Variants in CTNNA2 observed in about 807,000 individuals in gnomAD.
The protein encoded by CTNNA2 is catenin alpha-2.
In CTNNA2, 42 loss-of-function variants were observed where a neutral mutation model predicts 101.0. The observed-to-expected ratio is 0.42, with a 90% CI of 0.32 to 0.54. The LOEUF (loss-of-function observed/expected upper bound fraction) is 0.54. CTNNA2 is among the 20% of genes least tolerant of loss of function. The probability of loss-of-function intolerance (pLI) is 0.14; values close to 1 mark genes in which losing one functional copy is unlikely to be tolerated. For missense variants in CTNNA2, 871 were observed against 1,223.1 expected, an observed-to-expected ratio of 0.71 and a Z score of 4.29; for synonymous variants, 450 against 456.4, an observed-to-expected ratio of 0.99 and a Z score of 0.18.
intron 8 of CTNNA2, among the ~76,000 whole-genome samples, chr2:80,394,760 C>A (rs947937610): frequency 1.4e-5 from 2 of 141,780 alleles, no homozygotes; most frequent in Non-Finnish European, 3.0e-5. Flanking sequence ...ACTAGATCTG[C>A]AAACTCTTTT....
At chr2:80,073,027 CA>C (rs1698442913) in intron 7 of CTNNA2, among the ~76,000 whole-genome samples, 1 of 152,080 alleles carries the variant, frequency 6.6e-6, no homozygotes. Flanking sequence ...TTGAATCAAT[CA>C]AAGTGAAGCA....
At chr2:79,754,987 T>C (rs184630699) in intron 3 of CTNNA2, among the ~76,000 whole-genome samples, 15 of 152,244 alleles carry the variant, frequency 9.9e-5, no homozygotes, top group African/African-American at 3.6e-4. Context: ...TCTCACTTCA[T>C]TGAGCCTGGA....
At chr2:79,337,076 T>A (rs1343453799) in intron 3 of CTNNA2, among the ~76,000 whole-genome samples, 1 of 152,218 alleles carries the variant, frequency 6.6e-6, no homozygotes, top group Non-Finnish European at 1.5e-5. Context: ...TTATCTTACT[T>A]GTACCAAGAA....
chr2:79,907,261 A>T (rs902599241), intron 6 of CTNNA2, among the ~76,000 whole-genome samples: 9 of 152,142 alleles, frequency 5.9e-5, no homozygotes, highest in African/African-American at 2.2e-4. Context: ...AGATAGTCTA[A>T]TTATATTTTT....
chr2:79,792,755 G>A lies in CTNNA2; in HGVS notation c.298+48173G>A, dbSNP rs561738388. On this transcript the variant is annotated intron_variant, in intron 3 of 18. Coordinates refer to ENST00000402739, the MANE Select transcript of CTNNA2 (RefSeq NM_001282597.3). ...CCATTCTGCCCTCAGTTCCTAATCA[G>A]TAAAACAGAGATGAGGATACTCATG... 2.6e-5 allele frequency among the ~76,000 whole-genome samples: 4 copies of A among 152,276 alleles called. No individual in the cohort carries two copies. In the South Asian group the frequency reaches 8.3e-4, roughly 32 times the overall value.
intron 4 of CTNNA2, chr2:79,498,976 T>C (rs1348564470): frequency 6.6e-6 from 1 of 152,254 alleles, no homozygotes; most frequent in Non-Finnish European, 1.5e-5. Flanking sequence ...ATCTATACTG[T>C]AGACCTCAGT....
At chr2:80,317,801 C>T (rs1412867864) in intron 7 of CTNNA2, among the ~76,000 whole-genome samples, 1 of 152,160 alleles carries the variant, frequency 6.6e-6, no homozygotes, top group Non-Finnish European at 1.5e-5. Flanking sequence ...CTAAACATAA[C>T]TCATTGAAGT....
chr2:79,571,266 TCACCCA>T (rs912068585), intron 1 of CTNNA2, among the ~76,000 whole-genome samples: 30 of 152,262 alleles, frequency 2.0e-4, no homozygotes, highest in African/African-American at 7.2e-4. Context: ...ATTCTTGTAG[TCACCCA>T]CACTTTTGTA....
intron 2 of CTNNA2, among the ~76,000 whole-genome samples, chr2:79,210,560 T>C (rs367612337): frequency 3.3e-5 from 5 of 152,134 alleles, no homozygotes; most frequent in African/African-American, 7.2e-5. Flanking sequence ...GGCTTATAAA[T>C]TGAGTCCTGT....
At chr2:79,980,803 C>T (rs1429745593) in intron 7 of CTNNA2, among the ~76,000 whole-genome samples, 1 of 152,086 alleles carries the variant, frequency 6.6e-6, no homozygotes, top group East Asian at 1.9e-4. Context: ...GCTGCATGAT[C>T]ATCATTTTGT....
At chr2:80,255,630 G>C (rs1022617021) in intron 7 of CTNNA2, among the ~76,000 whole-genome samples, 2 of 152,040 alleles carry the variant, frequency 1.3e-5, no homozygotes, top group Admixed American at 1.3e-4. Context: ...CTCTCCTACC[G>C]CAACTTTGTT....
rs1702958849 is a variant in CTNNA2, at chr2:80,140,711, C to T, written c.1056+230914C>T. On this transcript the variant is annotated intron_variant, in intron 7 of 18. Coordinates refer to ENST00000402739, the MANE Select transcript of CTNNA2 (RefSeq NM_001282597.3). ...ACACAAGGAAAACACATCCACCTCC[C>T]TTTTAACAGGGATTGACCCAAGCAA... Among the ~76,000 whole-genome samples, 3 of 152,294 alleles carry T rather than the reference C, an allele frequency of 2.0e-5. No individual in the cohort carries two copies. The South Asian group carries it at 6.2e-4, about 32-fold the overall frequency.
intron 4 of CTNNA2, among the ~76,000 whole-genome samples, chr2:79,388,467 A>T (rs143539944): frequency 1.3e-3 from 191 of 152,334 alleles, no homozygotes; most frequent in African/African-American, 3.8e-3. Flanking sequence ...AGAATTATTG[A>T]CTATTTAGGT....
At chr2:79,757,851 G>T (rs1202202702) in intron 3 of CTNNA2, among the ~76,000 whole-genome samples, 4 of 152,164 alleles carry the variant, frequency 2.6e-5, no homozygotes, top group African/African-American at 7.2e-5. Context: ...ATTCATTCCA[G>T]CATTGCTATG....
chr2:80,203,768 C>G (rs999102489), intron 7 of CTNNA2, among the ~76,000 whole-genome samples: 1 of 152,212 alleles, frequency 6.6e-6, no homozygotes, highest in Non-Finnish European at 1.5e-5. Flanking sequence ...CCAGTAGGGA[C>G]TCTGTGTGGG....
At chr2:79,209,713 G>C (rs1021018163) in intron 2 of CTNNA2, among the ~76,000 whole-genome samples, 12 of 48,704 alleles carry the variant, frequency 2.5e-4, no homozygotes, top group Admixed American at 1.4e-3. Context: ...CCAATTAAAA[G>C]AGCTTATCTA....
intron 3 of CTNNA2, among the ~76,000 whole-genome samples, chr2:79,771,468 T>C (rs2105145724): frequency 6.6e-6 from 1 of 152,368 alleles, no homozygotes; most frequent in East Asian, 1.9e-4. Flanking sequence ...GAAATAATTA[T>C]ACAACTCACC....
chr2:79,615,111 T>C (rs1477261284), intron 1 of CTNNA2, among the ~76,000 whole-genome samples: 2 of 152,192 alleles, frequency 1.3e-5, no homozygotes, highest in African/African-American at 4.8e-5. Context: ...TTAAGGTTCT[T>C]TTCAGCATGT....
chr2:79,825,349 G>C (rs1365440138), intron 3 of CTNNA2, among the ~76,000 whole-genome samples: 1 of 152,192 alleles, frequency 6.6e-6, no homozygotes, highest in Admixed American at 6.5e-5. Flanking sequence ...GGTTGGAGTA[G>C]AAATGGTGGT....
Sources: allele counts gnomAD v4.1 joint callset (sites outside exome capture counted in the v4.1 genomes callset), GRCh38; gene constraint gnomAD v4.1.1; transcripts MANE v1.5; gene names NCBI Gene and HGNC (gene_info 2026-07-23, HGNC 2026-07-21).